The following CHRNE variants were observed in gnomAD, a reference collection of about 807,000 sequenced individuals.
CHRNE encodes acetylcholine receptor subunit epsilon.
In CHRNE, 58 loss-of-function variants were observed where a neutral mutation model predicts 56.5. The observed-to-expected ratio is 1.03, with a 90% CI of 0.83 to 1.28. The LOEUF is 1.28. Among genes scored for constraint, CHRNE ranks in the 50% most tolerant of loss-of-function variants. The pLI is 0.00. For missense variants in CHRNE, 793 were observed against 688.9 expected (o/e 1.15, Z -1.69); for synonymous variants, 385 against 297.9 (o/e 1.29, Z -3.01).
Position 4,901,398 on chromosome 17 carries a change from G to T in CHRNE, c.601+127C>A, listed in dbSNP as rs1969980695. ...AACAATCGAGAATGATTTCAGGACA[G>T]GGGTAAGCTAAACCCAGTTGTGGAA... On this transcript the variant is annotated intron_variant, in intron 6 of 11. Transcript: ENST00000649488. The T allele has an allele frequency of 4.3e-5, 42 of 967,112 alleles. No homozygotes were observed. In the South Asian group the frequency reaches 5.2e-4, roughly 12 times the overall value. 59.9% of individuals were successfully genotyped at this position (967,112 alleles called of 1,614,324 possible). A position where few individuals can be genotyped will look rare whatever the true frequency, so the allele number is the denominator to read the frequency against.
At chr17:4,907,104 A>T (rs2151101057), upstream of CHRNE, among the ~76,000 whole-genome samples, 1 of 152,316 alleles carries the variant, frequency 6.6e-6, no homozygotes, top group South Asian at 2.1e-4. Context: ...CAAAAAAAAT[A>T]GAATAAGACC....
At chr17:4,899,761 C>T in intron 8 of CHRNE, 179 bp from the exon 9 acceptor site, 1 of 1,551,188 alleles carries the variant, frequency 6.4e-7, no homozygotes, top group South Asian at 1.2e-5. Context: ...CTTGTGGCGG[C>T]CATGAAGGGG....
rs373710822 is a variant in CHRNE, at chr17:4,899,108, C to T, written c.1220-1G>A. The T allele has an allele frequency of 3.7e-6, 6 of 1,607,968 alleles. No homozygotes were observed. The Admixed American group carries it at 8.4e-5, about 22-fold the overall frequency. On this transcript the variant is annotated splice_acceptor_variant, in intron 10 of 11. Coordinates refer to ENST00000649488, the MANE Select transcript of CHRNE (RefSeq NM_000080.4). LOFTEE classifies it high-confidence loss of function. Reference sequence around the variant, plus strand: ...GCGCCCAGGCTCTGGCAGAAGGCAGCTGGCGGGGAAAACACCGGGGTGGGC... The same window carrying T: ...GCGCCCAGGCTCTGGCAGAAGGCAGTTGGCGGGGAAAACACCGGGGTGGGC...
upstream of CHRNE, among the ~76,000 whole-genome samples, chr17:4,905,735 C>T (rs1038711847): frequency 3.9e-5 from 6 of 151,922 alleles, no homozygotes; most frequent in Non-Finnish European, 7.4e-5. Context: ...GTGGCTGGCA[C>T]CTGTAATCCC....
Position 4,900,919 on chromosome 17 carries a change from G to T in CHRNE, c.803-12C>A, listed in dbSNP as rs1387037893. Reference sequence around the variant, plus strand: ...TTTCTGGCCGCCGGCTGGAGGGAGAGCCAGTGAGAGCGGGCCCCGCCTCCC... The same window carrying T: ...TTTCTGGCCGCCGGCTGGAGGGAGATCCAGTGAGAGCGGGCCCCGCCTCCC... On this transcript the variant is annotated splice_polypyrimidine_tract_variant and intron_variant, in intron 7 of 11. Transcript: ENST00000649488. 6.2e-7 allele frequency: 1 copy of T among 1,613,986 alleles called. No homozygotes were observed. The highest frequency in any genetic ancestry group is 8.5e-7 in the Non-Finnish European group (1 of 1,179,972).
At chr17:4,900,278 C>A in intron 8 of CHRNE, 1 of 1,545,508 alleles carries the variant, frequency 6.5e-7, no homozygotes. Context: ...GGCGACTAGA[C>A]GGCAGCGCGG....
upstream of CHRNE, among the ~76,000 whole-genome samples, chr17:4,907,941 C>T (rs946742168): frequency 2.0e-5 from 3 of 152,030 alleles, no homozygotes; most frequent in Non-Finnish European, 4.4e-5. Context: ...CTTTGGGAGG[C>T]CGAGGCGGGC....
rs1378758902 is a variant in CHRNE, at chr17:4,902,136, A to G, written c.345-49T>C. On this transcript the variant is annotated intron_variant, in intron 4 of 11. Transcript: ENST00000649488. The surrounding 1 kb of genome is among the most constrained non-coding windows in gnomAD (Gnocchi z 4.0). ...TTTTTGCACAGGTCTGCACCCTCTC[A>G]GAGTACCCCCTTCCCCAACCAAGTC... 5.0e-6 allele frequency: 8 copies of G among 1,613,274 alleles called. No homozygotes were observed. Among genetic ancestry groups the G allele is most frequent in the Non-Finnish European group, 6.8e-6 (8 of 1,179,688 alleles).
chr17:4,900,136 C>T (rs1197613530), intron 8 of CHRNE: 13 of 1,550,244 alleles, frequency 8.4e-6, no homozygotes, highest in East Asian at 2.4e-5. Context: ...TCGGCACCAC[C>T]TTGTTAGAGG....
chr17:4,900,764 C>G (rs536956104), intron 8 of CHRNE, 29 bp downstream of exon 8: 23 of 1,599,622 alleles, frequency 1.4e-5, no homozygotes, highest in Non-Finnish European at 1.8e-5. Flanking sequence ...TTCACACTGG[C>G]CACACCCCCG....
At position 4,901,141 on chromosome 17, in the gene CHRNE, G is replaced by A. The variant is rs564044217; in HGVS notation, c.651C>T (p.His217=). Residue 217 remains histidine (H), a synonymous_variant, in exon 7 of 12, where the codon CAC becomes CAT. Coordinates refer to ENST00000649488, the MANE Select transcript of CHRNE (RefSeq NM_000080.4). ...IDFCPGVIRR[H]HGGATDGPGE... ...CTGGGCCGTCGGTGGCGCCACCGTG[G>A]TGGCGGCGGATCACCCCCGGGCAGA... 1.2e-6 allele frequency: 2 copies of A among 1,611,758 alleles called. No individual in the cohort carries two copies. The highest frequency in any genetic ancestry group is 2.2e-5 in the South Asian group (2 of 91,076).
In CHRNE at chr17:4,902,588, T is replaced by A; in HGVS notation, c.189+33A>T. On this transcript the variant is annotated intron_variant, in intron 2 of 11. Transcript: ENST00000649488. The surrounding 1 kb of genome is among the most constrained non-coding windows in gnomAD (Gnocchi z 4.0). ...CAGCGGTTGGGGCCAGAAGTGGGATTTTTGGCTTAAGATGAGGGTGGGGGT... is the reference window on the plus strand; with the variant it reads ...CAGCGGTTGGGGCCAGAAGTGGGATATTTGGCTTAAGATGAGGGTGGGGGT... 6 of 1,614,042 alleles carry A rather than the reference T, an allele frequency of 3.7e-6. No individual in the cohort carries two copies. Among genetic ancestry groups the A allele is most frequent in the Non-Finnish European group, 5.1e-6 (6 of 1,180,000 alleles).
rs749710960 is a variant in CHRNE, at chr17:4,899,221, C to T, written c.1196G>A (p.Arg399Lys). Residue 399 changes from arginine to lysine, a missense_variant, in exon 10 of 12, where the codon AGG becomes AAG. Coordinates refer to ENST00000649488, the MANE Select transcript of CHRNE (RefSeq NM_000080.4). ...ACCCGTCCAGGTCCCCTGCCGGTGCCTCTGCCCCTCAAACACGAGCTCGCT... is the reference window on the plus strand; with the variant it reads ...ACCCGTCCAGGTCCCCTGCCGGTGCTTCTGCCCCTCAAACACGAGCTCGCT... ...PRSELVFEGQ[R>K]HRQGTWTAAF... is the part of the protein sequence containing the mutation. 1 of 1,606,710 alleles carries T rather than the reference C, an allele frequency of 6.2e-7. No individual in the cohort carries two copies. Among genetic ancestry groups the T allele is most frequent in the Non-Finnish European group, 8.5e-7 (1 of 1,178,702 alleles).
intron 8 of CHRNE, chr17:4,900,346 C>T (rs1969940042): frequency 6.5e-7 from 1 of 1,547,326 alleles, no homozygotes; most frequent in East Asian, 2.4e-5. Flanking sequence ...GCCCAAGCCG[C>T]AGGGCAGGGG....
Position 4,899,326 on chromosome 17 carries a change from C to T in CHRNE, c.1091G>A (p.Arg364Gln), listed in dbSNP as rs1969858812. The change falls in exon 10 of 12, where the codon CGG becomes CAG. Residue 364 changes from arginine (R) to glutamine (Q), a missense_variant. Physicochemically the swap from Arg to Gln is conservative, Grantham distance 43. Transcript: ENST00000649488. ...CGCCCGCCTTGGGGGCGAGGCGGCC[C>T]GGGGGGCCTCGGGCGGCGGCGGGGA... The part of the protein sequence containing the change: ...LGSPPPPEAP[R>Q]AASPPRRASS... 5.1e-6 allele frequency: 8 copies of T among 1,557,380 alleles called. No individual in the cohort carries two copies. The highest frequency in any genetic ancestry group is 6.9e-6 in the Non-Finnish European group (8 of 1,158,650).
At position 4,902,396 on chromosome 17, in the gene CHRNE, G is replaced by C; in HGVS notation, c.234+54C>G. 2 of 1,613,942 alleles carry C rather than the reference G, an allele frequency of 1.2e-6. No homozygotes were observed. Among genetic ancestry groups the C allele is most frequent in the Non-Finnish European group, 1.7e-6 (2 of 1,179,816 alleles). The stretch of plus-strand genomic sequence containing the variant: ...CTGGCGCTGCCTGGGAGGGGTTTGG[G>C]GGAAAAGGGGTGCCCTGGACAAGAC... On this transcript the variant is annotated intron_variant, in intron 3 of 11. Coordinates refer to ENST00000649488, the MANE Select transcript of CHRNE (RefSeq NM_000080.4). This position sits in a 1 kb window ranked among gnomAD's most constrained non-coding sequence, Gnocchi z 4.0.
Position 4,902,107 on chromosome 17 carries a change from G to A in CHRNE, c.345-20C>T, listed in dbSNP as rs780779198. 22 of 1,613,610 alleles carry A rather than the reference G, an allele frequency of 1.4e-5. No homozygotes were observed. Among genetic ancestry groups the A allele is most frequent in the African/African-American group, 8.0e-5 (6 of 74,826 alleles). Reference sequence around the variant, plus strand: ...TCAATACTGTGGGCTCGGGGAAACCGAGCTTTTTGCACAGGTCTGCACCCT... The same window carrying A: ...TCAATACTGTGGGCTCGGGGAAACCAAGCTTTTTGCACAGGTCTGCACCCT... On this transcript the variant is annotated intron_variant, in intron 4 of 11. Coordinates refer to ENST00000649488, the MANE Select transcript of CHRNE (RefSeq NM_000080.4). This position sits in a 1 kb window ranked among gnomAD's most constrained non-coding sequence, Gnocchi z 4.0.
Position 4,898,569 on chromosome 17 carries a change from G to T in CHRNE, c.*167C>A. The T allele has an allele frequency of 1.1e-6, 1 of 909,164 alleles. No individual in the cohort carries two copies. The highest frequency in any genetic ancestry group is 1.7e-6 in the Non-Finnish European group (1 of 592,718). The allele number at this position is 909,164 out of a possible 1,614,324, so 56.3% of individuals were successfully genotyped here. A position where few individuals can be genotyped will look rare whatever the true frequency, so the allele number is the denominator to read the frequency against. On this transcript the variant is annotated 3_prime_UTR_variant, in exon 12 of 12. Coordinates refer to ENST00000649488, the MANE Select transcript of CHRNE (RefSeq NM_000080.4). ...TCCTCCTGCTGACCCCTGGACTGCGGCCAGGCCTACACACGCCAGGGAACG... is the reference window on the plus strand; with the variant it reads ...TCCTCCTGCTGACCCCTGGACTGCGTCCAGGCCTACACACGCCAGGGAACG...
intron 5 of CHRNE, 22 bp from the exon 6 acceptor site, chr17:4,901,647 C>A: frequency 2.5e-6 from 4 of 1,607,702 alleles, no homozygotes; most frequent in African/African-American, 1.3e-5. Flanking sequence ...GGGCCGGGAG[C>A]CCACCCCAGA....
Sources: gnomAD v4.1 joint callset for allele counts (sites outside exome capture counted in the v4.1 genomes callset) on GRCh38, gnomAD v4.1.1 for gene constraint, Gnocchi (gnomAD v3.1) non-coding constraint, MANE v1.5 for transcripts, NCBI Gene and HGNC (gene_info 2026-07-23, HGNC 2026-07-21) for gene names.